CDH4: variants seen among roughly 807,000 people sequenced by gnomAD.
The protein encoded by CDH4 is cadherin-4.
In CDH4, 33 loss-of-function variants were observed where a neutral mutation model predicts 86.0. The observed-to-expected ratio is 0.38, with a 90% CI of 0.29 to 0.51. CDH4 has a LOEUF of 0.51. Among genes scored for constraint, CDH4 ranks in the 20% least tolerant of loss-of-function variants. The pLI is 0.86. For missense variants in CDH4, 1,114 were observed against 1,307.4 expected, an observed-to-expected ratio of 0.85 and a Z score of 2.28; for synonymous variants, 555 against 549.4, an observed-to-expected ratio of 1.01 and a Z score of -0.14.
chr20:61,693,995 C>T (rs1231148046), intron 2 of CDH4, among the ~76,000 whole-genome samples: 1 of 147,118 alleles, frequency 6.8e-6, no homozygotes, highest in Non-Finnish European at 1.5e-5. Context: ...CAGGTTCAAG[C>T]GAGTCTCCTG....
At chr20:61,485,656 C>T (rs539571655) in intron 2 of CDH4, among the ~76,000 whole-genome samples, 1 of 152,256 alleles carries the variant, frequency 6.6e-6, no homozygotes, top group African/African-American at 2.4e-5. Flanking sequence ...TTCTCCATGG[C>T]GATGATGGAG....
Position 61,383,165 on chromosome 20 carries a change from A to ATATGAATATATT in CDH4, c.169+128240_169+128251dup, listed in dbSNP as rs1396344339. ...ATGAATATATATGAATATATTATAT[A>ATATGAATATATT]TATGAATATATTTATGAATATATAT... is the stretch of plus-strand genomic sequence containing the variant. On this transcript the variant is annotated intron_variant, in intron 2 of 15. Transcript: ENST00000614565. Among the ~76,000 whole-genome samples the ATATGAATATATT allele has an allele frequency of 6.9e-5, 6 of 87,332 alleles. 1 individual carries two copies. The highest frequency in any genetic ancestry group is 3.6e-4 in the African/African-American group (6 of 16,796). The allele number at this position is 87,332 out of a possible 152,430, so 57.3% of individuals were successfully genotyped here.
In CDH4 at chr20:61,754,545, G is replaced by A. The variant is rs912505826; in HGVS notation, c.396+10756G>A. Among the ~76,000 whole-genome samples, 6 of 151,510 alleles carry A rather than the reference G, an allele frequency of 4.0e-5. No individual in the cohort carries two copies. Among genetic ancestry groups the A allele is most frequent in the Admixed American group, 1.3e-4 (2 of 15,248 alleles). ...CCTGGGGAGAGGAGGGATGAGGAAC[G>A]GGTGCCATTCCAAGGGCAGCAGCAC... On this transcript the variant is annotated intron_variant, in intron 3 of 15. Transcript: ENST00000614565. The surrounding 1 kb of genome is among the most constrained non-coding windows in gnomAD (Gnocchi z 4.7).
intron 2 of CDH4, among the ~76,000 whole-genome samples, chr20:61,305,130 G>A (rs1012146912): frequency 6.6e-6 from 1 of 152,076 alleles, no homozygotes; most frequent in African/African-American, 2.4e-5. Flanking sequence ...TGTATTGTGT[G>A]TGGGGAGTAT....
chr20:61,389,057 A>T (rs2084966955), intron 2 of CDH4, among the ~76,000 whole-genome samples: 2 of 152,246 alleles, frequency 1.3e-5, no homozygotes, highest in African/African-American at 4.8e-5. Context: ...GTATGGCTAA[A>T]CTGATCAAGG....
chr20:61,631,511 G>C (rs772058044), intron 2 of CDH4, among the ~76,000 whole-genome samples: 3 of 152,198 alleles, frequency 2.0e-5, no homozygotes, highest in African/African-American at 2.4e-5. Flanking sequence ...TGGGTGTAGT[G>C]GCATGTGCCT....
chr20:61,323,284 C>G (rs1600865810), intron 2 of CDH4, among the ~76,000 whole-genome samples: 1 of 152,162 alleles, frequency 6.6e-6, no homozygotes, highest in Non-Finnish European at 1.5e-5. Context: ...GGCAGGTCAG[C>G]CCCTGTCCCC....
At chr20:61,831,565 T>TA (rs1260656550) in intron 4 of CDH4, among the ~76,000 whole-genome samples, 3 of 152,258 alleles carry the variant, frequency 2.0e-5, no homozygotes, top group African/African-American at 7.2e-5. Flanking sequence ...CTTCTGGTCT[T>TA]ATGCTTCACC....
chr20:61,773,282 C>A, intron 4 of CDH4, 100 bp downstream of exon 4: 3 of 1,184,310 alleles, frequency 2.5e-6, no homozygotes, highest in Non-Finnish European at 3.5e-6. Context: ...CGTTTGGTGT[C>A]TGAGAAGGTC....
chr20:61,653,709 G>A (rs1278055707), intron 2 of CDH4, among the ~76,000 whole-genome samples: 88 of 114,702 alleles, frequency 7.7e-4, no homozygotes, highest in South Asian at 1.6e-3. Context: ...CCCAGACGGG[G>A]TCGCAGCCGG....
At chr20:61,395,084 A>G (rs1436334799) in intron 2 of CDH4, among the ~76,000 whole-genome samples, 1 of 151,484 alleles carries the variant, frequency 6.6e-6, no homozygotes, top group East Asian at 2.0e-4. Context: ...AGGACAGGAC[A>G]CTGGGCAGGA....
chr20:61,923,581 A>G lies in CDH4; in HGVS notation c.1505A>G (p.Asn502Ser), dbSNP rs1293492377. ...AGVTISIMDI[N>S]EAPYFPSNHK... Reference sequence around the variant, plus strand: ...GTGACCATCTCCATCATGGACATCAACGAGGCTCCCTACTTCCCCTCAAAC... The same window carrying G: ...GTGACCATCTCCATCATGGACATCAGCGAGGCTCCCTACTTCCCCTCAAAC... Residue 502 changes from asparagine to serine, a missense_variant, in exon 10 of 16, where the codon AAC (asparagine) becomes AGC (serine). Coordinates refer to ENST00000614565, the MANE Select transcript of CDH4 (RefSeq NM_001794.5). The G allele has an allele frequency of 8.7e-6, 14 of 1,614,182 alleles. No individual in the cohort carries two copies. The highest frequency in any genetic ancestry group is 6.6e-5 in the South Asian group (6 of 91,086).
intron 2 of CDH4, among the ~76,000 whole-genome samples, chr20:61,422,461 AAAAAAAC>A: frequency 3.8e-5 from 2 of 52,548 alleles, no homozygotes; most frequent in Non-Finnish European, 7.1e-5. Context: ...AAAAAAAAAA[AAAAAAAC>A]CAAATCTCCC....
intron 2 of CDH4, among the ~76,000 whole-genome samples, chr20:61,379,589 C>T (rs117446556): frequency 2.0e-5 from 3 of 152,276 alleles, no homozygotes; most frequent in East Asian, 1.9e-4. Flanking sequence ...TCCTCTGCCT[C>T]ACCCCTATTG....
Position 61,863,689 on chromosome 20 carries a change from C to G in CDH4, c.878-10039C>G, listed in dbSNP as rs1269344050. On this transcript the variant is annotated intron_variant, in intron 6 of 15. Transcript: ENST00000614565. ...CACTTCCCAGACACCAGAGCCAGCACTGCTTACAGCACAGGAAGGAGGCCA... is the reference window on the plus strand; with the variant it reads ...CACTTCCCAGACACCAGAGCCAGCAGTGCTTACAGCACAGGAAGGAGGCCA... Among the ~76,000 whole-genome samples, 7 of 152,326 alleles carry G rather than the reference C, an allele frequency of 4.6e-5. No individual in the cohort carries two copies. In the East Asian group the frequency reaches 1.4e-3, roughly 29 times the overall value.
intron 2 of CDH4, among the ~76,000 whole-genome samples, chr20:61,412,892 C>T (rs187458323): frequency 1.4e-4 from 21 of 152,296 alleles, no homozygotes; most frequent in African/African-American, 3.1e-4. Flanking sequence ...GCCCTGGGAA[C>T]GGGAAGAGTG....
intron 2 of CDH4, among the ~76,000 whole-genome samples, chr20:61,726,221 G>T (rs2088109382): frequency 6.6e-6 from 1 of 152,090 alleles, no homozygotes; most frequent in African/African-American, 2.4e-5. Context: ...AGAAGAAACA[G>T]GAGCCGAAAA....
chr20:61,517,974 G>GAT lies in CDH4; in HGVS notation c.170-225589_170-225588insAT, dbSNP rs1377153494. 2.6e-5 allele frequency among the ~76,000 whole-genome samples: 4 copies of GAT among 151,738 alleles called. No homozygotes were observed. In the East Asian group the frequency reaches 8.0e-4, roughly 30 times the overall value. ...GATTGCCCCTGGATGGGCCTCTCGT[G>GAT]TGGGGCTGGGGCAGGAGCTGCCTGC... On this transcript the variant is annotated intron_variant, in intron 2 of 15. Transcript: ENST00000614565. This position sits in a 1 kb window ranked among gnomAD's most constrained non-coding sequence, Gnocchi z 6.6.
At chr20:61,730,683 G>A (rs144621496) in intron 2 of CDH4, among the ~76,000 whole-genome samples, 2,702 of 152,332 alleles carry the variant, frequency 0.018, 36 homozygotes, top group South Asian at 0.047. Flanking sequence ...GGCCCTGCCT[G>A]TGCTTGGAGC....
Sources: allele counts gnomAD v4.1 joint callset (sites outside exome capture counted in the v4.1 genomes callset), GRCh38; gene constraint gnomAD v4.1.1; non-coding constraint Gnocchi (gnomAD v3.1); transcripts MANE v1.5; gene names NCBI Gene and HGNC (gene_info 2026-07-23, HGNC 2026-07-21).